SKA1: variants seen among roughly 807,000 people sequenced by gnomAD.
SKA1 encodes spindle and kinetochore associated complex subunit 1, also known as SKA complex subunit 1.
SKA1 carries 20 observed loss-of-function variants against 31.8 expected under a neutral mutation model. That is an observed-to-expected ratio of 0.63 (90% CI 0.44 to 0.91). The LOEUF (loss-of-function observed/expected upper bound fraction) is 0.91. Ranked by LOEUF, SKA1 falls within the 40% of genes least tolerant of loss-of-function variation. SKA1 has a pLI of 0.00. For synonymous variants in SKA1, 88 were observed against 100.5 expected, an observed-to-expected ratio of 0.88 and a Z score of 0.74; for missense variants, 253 against 298.2, an observed-to-expected ratio of 0.85 and a Z score of 1.12.
chr18:50,394,032 G>A lies in SKA1; in HGVS notation c.*1785G>A, dbSNP rs562448358. On this transcript the variant is annotated 3_prime_UTR_variant, in exon 7 of 7. Transcript: ENST00000285116. Reference sequence around the variant, plus strand: ...GCAAACATTTTGATGTGCCAGGAAGGTGACGCACTCCAGCTTTATGAAGTC... The same window carrying A: ...GCAAACATTTTGATGTGCCAGGAAGATGACGCACTCCAGCTTTATGAAGTC... 12 of 152,370 alleles carry A rather than the reference G, an allele frequency of 7.9e-5. No homozygotes were observed. Among genetic ancestry groups the A allele is most frequent in the African/African-American group, 1.9e-4 (8 of 41,576 alleles). 9.4% of individuals were successfully genotyped at this position (152,370 alleles called of 1,614,324 possible).
In SKA1 at chr18:50,394,146, TTAAAA is replaced by T. The variant is rs1362848371; in HGVS notation, c.*1904_*1908del. The T allele has an allele frequency of 2.0e-5, 3 of 152,212 alleles. No individual in the cohort carries two copies. Among genetic ancestry groups the T allele is most frequent in the African/African-American group, 7.2e-5 (3 of 41,452 alleles). The allele number at this position is 152,212 out of a possible 1,614,324, so 9.4% of individuals were successfully genotyped here. A position where few individuals can be genotyped will look rare whatever the true frequency, so the allele number is the denominator to read the frequency against. On this transcript the variant is annotated 3_prime_UTR_variant, in exon 7 of 7. Transcript: ENST00000285116. ...TTCATCTGTATCCTTTGTAGTAGCC[TTAAAA>T]TAAACTGTTAAACACAAGTAAAGCA...
Position 50,379,015 on chromosome 18 carries a change from C to T in SKA1, c.89-1111C>T, listed in dbSNP as rs535333125. Among the ~76,000 whole-genome samples, 6 of 152,282 alleles carry T rather than the reference C, an allele frequency of 3.9e-5. No individual in the cohort carries two copies. The East Asian group carries it at 9.6e-4, about 24-fold the overall frequency. On this transcript the variant is annotated intron_variant, in intron 2 of 6. Coordinates refer to ENST00000285116, the MANE Select transcript of SKA1 (RefSeq NM_145060.4). ...CAGTAATGAGGTAGGTACTTGGTGT[C>T]TCTGACTTCAGGCCTTCTACCTGGT...
At chr18:50,391,443 C>T in intron 6 of SKA1, 150 bp downstream of exon 6, 1 of 848,692 alleles carries the variant, frequency 1.2e-6, no homozygotes, top group South Asian at 2.8e-5. Flanking sequence ...TTTACCATGT[C>T]TGGAGACATT....
chr18:50,375,556 T>G (rs923842564), intron 1 of SKA1, among the ~76,000 whole-genome samples: 4 of 152,244 alleles, frequency 2.6e-5, no homozygotes, highest in African/African-American at 9.6e-5. Flanking sequence ...TTTGTCCTCC[T>G]GAATCCTTAA....
In SKA1 at chr18:50,392,319, A is replaced by G. The variant is rs1311737306; in HGVS notation, c.*72A>G. Reference sequence around the variant, plus strand: ...GGCTATTTCTATAATTTTCTTATATATAATTTTTTTAACTTTTAATCTTTT... The same window carrying G: ...GGCTATTTCTATAATTTTCTTATATGTAATTTTTTTAACTTTTAATCTTTT... On this transcript the variant is annotated 3_prime_UTR_variant, in exon 7 of 7. Coordinates refer to ENST00000285116, the MANE Select transcript of SKA1 (RefSeq NM_145060.4). The G allele has an allele frequency of 4.1e-5, 41 of 991,536 alleles. No individual in the cohort carries two copies. Among genetic ancestry groups the G allele is most frequent in the Non-Finnish European group, 5.1e-5 (38 of 751,586 alleles). 61.4% of individuals were successfully genotyped at this position (991,536 alleles called of 1,614,324 possible).
In SKA1 at chr18:50,393,172, A is replaced by T. The variant is rs906907387; in HGVS notation, c.*925A>T. ...AGTGAACAATGCTGCAGACCCTAAT[A>T]AGATTGGGTACAGATCGGCATGCGC... On this transcript the variant is annotated 3_prime_UTR_variant, in exon 7 of 7. Coordinates refer to ENST00000285116, the MANE Select transcript of SKA1 (RefSeq NM_145060.4). 1 of 152,184 alleles carries T rather than the reference A, an allele frequency of 6.6e-6. No homozygotes were observed. Among genetic ancestry groups the T allele is most frequent in the Admixed American group, 6.6e-5 (1 of 15,262 alleles). 9.4% of individuals were successfully genotyped at this position (152,184 alleles called of 1,614,324 possible).
At position 50,392,427 on chromosome 18, in the gene SKA1, G is replaced by A. The variant is rs2041365813; in HGVS notation, c.*180G>A. The stretch of plus-strand genomic sequence containing the variant: ...TTTGTCACGCAGGCTAGAGTGCAGT[G>A]GCGCAAACATGGCTCACTGCAGCCT... On this transcript the variant is annotated 3_prime_UTR_variant, in exon 7 of 7. Transcript: ENST00000285116. 5.5e-6 allele frequency: 2 copies of A among 364,766 alleles called. No individual in the cohort carries two copies. Among genetic ancestry groups the A allele is most frequent in the South Asian group, 2.8e-4 (2 of 7,144 alleles). The allele number at this position is 364,766 out of a possible 1,614,324, so 22.6% of individuals were successfully genotyped here.
rs147757868 is a variant in SKA1 at position 50,379,743 on chromosome 18, G to A, written c.89-383G>A. 5.7e-3 allele frequency among the ~76,000 whole-genome samples: 852 copies of A among 150,374 alleles called. 12 individuals are homozygous for A. The highest frequency in any genetic ancestry group is 0.019 in the African/African-American group (775 of 41,030). ...GCTGCAGCCTCAGCTCACACACCCTGCCTGGTATGAGGGGGAACCACAGTT... is the reference window on the plus strand; with the variant it reads ...GCTGCAGCCTCAGCTCACACACCCTACCTGGTATGAGGGGGAACCACAGTT... On this transcript the variant is annotated intron_variant, in intron 2 of 6. Transcript: ENST00000285116.
chr18:50,379,624 C>CT (rs2041247932), intron 2 of SKA1, among the ~76,000 whole-genome samples: 1 of 152,166 alleles, frequency 6.6e-6, no homozygotes, highest in Non-Finnish European at 1.5e-5. Context: ...GCCCCAAAAC[C>CT]TTGGATCTTA....
At chr18:50,383,652 T>A (rs779816620) in intron 4 of SKA1, among the ~76,000 whole-genome samples, 11 of 152,338 alleles carry the variant, frequency 7.2e-5, no homozygotes, top group Non-Finnish European at 1.6e-4. Flanking sequence ...AGTAAGAATT[T>A]GATCAGGGGA....
chr18:50,376,189 G>C (rs1054476617), intron 2 of SKA1, among the ~76,000 whole-genome samples: 22 of 152,190 alleles, frequency 1.4e-4, no homozygotes, highest in African/African-American at 5.3e-4. Context: ...TGAAGGTTAT[G>C]TGGCATCCAT....
intron 4 of SKA1, among the ~76,000 whole-genome samples, chr18:50,384,650 G>GAGAAGCCATTAAGCCGTA (rs1568329660): frequency 8.2e-6 from 1 of 121,802 alleles, no homozygotes; most frequent in African/African-American, 4.1e-5. Context: ...TAAGGGGTTA[G>GAGAAGCCATTAAGCCGTA]AACAATGAGA....
chr18:50,379,134 A>G (rs2041244536), intron 2 of SKA1, among the ~76,000 whole-genome samples: 1 of 152,208 alleles, frequency 6.6e-6, no homozygotes. Flanking sequence ...GCAGATGGGA[A>G]GCTTCAATTA....
At position 50,392,194 on chromosome 18, in the gene SKA1, C is replaced by T. The variant is rs761495686; in HGVS notation, c.715C>T (p.Arg239Trp). The change falls in exon 7 of 7, where the codon CGG becomes TGG. Residue 239 changes from arginine (R) to tryptophan (W), a missense_variant. By Grantham distance (101) the Arg-to-Trp change is moderately radical (BLOSUM62 -3). Transcript: ENST00000285116. The part of the protein sequence containing the change: ...HVLLNILRHC[R>W]RLSEVRGGGL... ...GTTACTGAATATTTTACGACACTGC[C>T]GGAGGCTATCAGAGGTCCGAGGGGG... The T allele has an allele frequency of 1.1e-5, 17 of 1,607,520 alleles. No individual in the cohort carries two copies. Among genetic ancestry groups the T allele is most frequent in the African/African-American group, 4.0e-5 (3 of 74,428 alleles).
In SKA1 at chr18:50,391,243, C is replaced by G. The variant is rs766996475; in HGVS notation, c.569C>G (p.Thr190Ser). 8 of 1,604,484 alleles carry G rather than the reference C, an allele frequency of 5.0e-6. No individual in the cohort carries two copies. In the South Asian group the frequency reaches 9.1e-5, roughly 18 times the overall value. ...HQPKKSMNSV[T>S]RNLYHRFIDE... ...CCAAAAAAGTCTATGAATTCTGTGA[C>G]CAGAAATCTCTATCACAGATTTATT... Residue 190 changes from threonine to serine, a missense_variant, in exon 6 of 7, where the codon ACC becomes AGC. Physicochemically the swap from Thr to Ser is moderately conservative, Grantham distance 58 (BLOSUM62 1). Transcript: ENST00000285116.
intron 5 of SKA1, among the ~76,000 whole-genome samples, chr18:50,386,707 T>C (rs1385047196): frequency 6.6e-6 from 1 of 152,208 alleles, no homozygotes; most frequent in Non-Finnish European, 1.5e-5. Context: ...TTCACTGTCC[T>C]AAAAGTGCCT....
At chr18:50,375,315 C>T (rs1201642527) in intron 1 of SKA1, 121 bp downstream of exon 1, 1 of 152,454 alleles carries the variant, frequency 6.6e-6, no homozygotes, top group Non-Finnish European at 1.5e-5. Flanking sequence ...GGGTTGGATG[C>T]TTTAGACCCT....
intron 4 of SKA1, among the ~76,000 whole-genome samples, chr18:50,383,974 G>T (rs887042375): frequency 1.3e-5 from 2 of 152,204 alleles, no homozygotes; most frequent in African/African-American, 4.8e-5. Flanking sequence ...TGCCATCTGT[G>T]TCTGGCATTT....
At chr18:50,383,599 C>A (rs966287611) in intron 4 of SKA1, among the ~76,000 whole-genome samples, 3 of 152,188 alleles carry the variant, frequency 2.0e-5, no homozygotes, top group Non-Finnish European at 4.4e-5. Context: ...GCATCTTTAT[C>A]CTGTCTTGCT....
Sources: allele counts gnomAD v4.1 joint callset (sites outside exome capture counted in the v4.1 genomes callset), GRCh38; gene constraint gnomAD v4.1.1; transcripts MANE v1.5; gene names NCBI Gene and HGNC (gene_info 2026-07-23, HGNC 2026-07-21).